The following PIWIL1 variants were observed in gnomAD, a reference collection of about 807,000 sequenced individuals.
PIWIL1 encodes piwi like RNA-mediated gene silencing 1.
PIWIL1 carries 73 observed loss-of-function variants against 114.4 expected under a neutral mutation model. The observed-to-expected ratio is 0.64, with a 90% CI of 0.53 to 0.78. PIWIL1 has a LOEUF of 0.78. Ranked by LOEUF, PIWIL1 falls within the 30% of genes least tolerant of loss-of-function variation. PIWIL1 has a pLI of 0.00. For missense variants in PIWIL1, 723 were observed against 1,063.1 expected, an observed-to-expected ratio of 0.68 and a Z score of 4.45; for synonymous variants, 375 against 369.0, an observed-to-expected ratio of 1.02 and a Z score of -0.19.
At chr12:130,411,587 C>A in the PIWIL1 span, among the ~76,000 whole-genome samples, 1 of 152,168 alleles carries the variant, frequency 6.6e-6, no homozygotes, top group Non-Finnish European at 1.5e-5. Context: ...AATCAAGTTA[C>A]CGTTCCTTAA....
At chr12:130,423,000 G>A in the PIWIL1 span, among the ~76,000 whole-genome samples, 14 of 152,246 alleles carry the variant, frequency 9.2e-5, no homozygotes, top group East Asian at 1.9e-4. This position sits in a 1 kb window ranked among gnomAD's most constrained non-coding sequence, Gnocchi z 5.2. Flanking sequence ...GATAAAAGTC[G>A]TATGTGAGGT....
At chr12:130,418,387 T>C in the PIWIL1 span, among the ~76,000 whole-genome samples, 21,870 of 152,216 alleles carry the variant, frequency 0.14, 1,825 homozygotes, top group Non-Finnish European at 0.2. Context: ...AAGCGCTCCA[T>C]GGCCTCTACA....
In PIWIL1 at chr12:130,362,909, T is replaced by C. The variant is rs181922596; in HGVS notation, c.2041+73T>C. Reference sequence around the variant, plus strand: ...CCAGAAATTACCCTGAACTGTGTTATTGATGGGCCCAGACTTTGGGAAGAA... The same window carrying C: ...CCAGAAATTACCCTGAACTGTGTTACTGATGGGCCCAGACTTTGGGAAGAA... On this transcript the variant is annotated intron_variant, in intron 17 of 20. Transcript: ENST00000245255. The C allele has an allele frequency of 2.5e-6, 4 of 1,610,890 alleles. No homozygotes were observed. In the African/African-American group the frequency reaches 4.0e-5, roughly 16 times the overall value.
At chr12:130,396,468 G>A in the PIWIL1 span, 2 of 152,630 alleles carry the variant, frequency 1.3e-5, no homozygotes, top group African/African-American at 4.8e-5. Context: ...AAATGCCAAT[G>A]ATGAAGATGG....
intron 20 of PIWIL1, 58 bp from the exon 21 acceptor site, chr12:130,371,424 T>A: frequency 6.2e-7 from 1 of 1,608,604 alleles, no homozygotes; most frequent in Non-Finnish European, 8.5e-7. Context: ...ATACTGAGAT[T>A]TGCAATTGAA....
At chr12:130,357,280 A>G (rs533518713) in intron 13 of PIWIL1, among the ~76,000 whole-genome samples, 175 bp downstream of exon 13, 1 of 152,282 alleles carries the variant, frequency 6.6e-6, no homozygotes, top group South Asian at 2.1e-4. Context: ...AGAAGCAACC[A>G]AGTAAGACAG....
chr12:130,353,926 CAAAA>C (rs772465904), intron 9 of PIWIL1, among the ~76,000 whole-genome samples: 1 of 99,016 alleles, frequency 1.0e-5, no homozygotes, highest in Non-Finnish European at 2.1e-5. Context: ...ACTCCATCTT[CAAAA>C]AAAAAAAAAA....
chr12:130,348,990 A>C (rs946462671), intron 7 of PIWIL1, among the ~76,000 whole-genome samples: 5 of 152,250 alleles, frequency 3.3e-5, no homozygotes, highest in African/African-American at 1.2e-4. Flanking sequence ...ACTTTTTAAA[A>C]GTCTTAGGCC....
At chr12:130,399,828 G>A in the PIWIL1 span, 29 of 1,613,580 alleles carry the variant, frequency 1.8e-5, no homozygotes, top group African/African-American at 2.7e-5. Flanking sequence ...AACACCAGGG[G>A]TGAGGCAGAA....
Position 130,352,043 on chromosome 12 carries a change from C to T in PIWIL1, c.1044+2076C>T, listed in dbSNP as rs2073227238. ...GTTGTGTCCCCTCTGTTGGACACACCTTGTATGCTTATGCTTGAGATCTCA... is the reference window on the plus strand; with the variant it reads ...GTTGTGTCCCCTCTGTTGGACACACTTTGTATGCTTATGCTTGAGATCTCA... On this transcript the variant is annotated intron_variant, in intron 9 of 20. Transcript: ENST00000245255. 2.0e-5 allele frequency among the ~76,000 whole-genome samples: 3 copies of T among 152,198 alleles called. No homozygotes were observed. In the South Asian group the frequency reaches 6.2e-4, roughly 32 times the overall value.
the PIWIL1 span, among the ~76,000 whole-genome samples, chr12:130,382,708 A>G: frequency 2.6e-5 from 4 of 152,156 alleles, no homozygotes; most frequent in African/African-American, 7.2e-5. Context: ...ATGAGCTTCA[A>G]TGTCTTCCTC....
the PIWIL1 span, among the ~76,000 whole-genome samples, chr12:130,391,726 G>T: frequency 6.6e-6 from 1 of 152,148 alleles, no homozygotes; most frequent in Non-Finnish European, 1.5e-5. Flanking sequence ...AGCAGAGAGG[G>T]TCTGAGTGTC....
At chr12:130,419,241 C>G in the PIWIL1 span, among the ~76,000 whole-genome samples, 1 of 152,144 alleles carries the variant, frequency 6.6e-6, no homozygotes, top group Non-Finnish European at 1.5e-5. This position sits in a 1 kb window ranked among gnomAD's most constrained non-coding sequence, Gnocchi z 4.3. Flanking sequence ...CTACAGCTGT[C>G]TGTCTGACCC....
At chr12:130,371,067 T>C in intron 19 of PIWIL1, 109 bp from the exon 20 acceptor site, 1 of 882,840 alleles carries the variant, frequency 1.1e-6, no homozygotes, top group Admixed American at 1.9e-5. Context: ...AGAGATGAGG[T>C]TACTGTAGTA....
At chr12:130,339,907 C>T (rs1274872060) in intron 1 of PIWIL1, among the ~76,000 whole-genome samples, 1 of 152,206 alleles carries the variant, frequency 6.6e-6, no homozygotes, top group Non-Finnish European at 1.5e-5. Flanking sequence ...GGAATATTTC[C>T]TGCTGGAGAT....
intron 1 of PIWIL1, chr12:130,342,155 CGTGTGTGT>C (rs56124149): frequency 2.5e-3 from 336 of 134,960 alleles, no homozygotes; most frequent in African/African-American, 3.9e-3. Context: ...TGCCTGTTTC[CGTGTGTGT>C]GTGTGTGTGT....
chr12:130,396,134 T>G, the PIWIL1 span: 1 of 152,672 alleles, frequency 6.5e-6, no homozygotes, highest in African/African-American at 2.4e-5. Context: ...TAAACAGTGT[T>G]GTATAAAATA....
chr12:130,374,760 A>G (rs900700417), downstream of PIWIL1, among the ~76,000 whole-genome samples: 1 of 152,126 alleles, frequency 6.6e-6, no homozygotes, highest in Non-Finnish European at 1.5e-5. Flanking sequence ...GCTCCAGGTG[A>G]TCCCTCGTAT....
chr12:130,397,425 T>A, the PIWIL1 span: 1 of 398,978 alleles, frequency 2.5e-6, no homozygotes, highest in African/African-American at 2.1e-5. Context: ...CTTTTTCTTT[T>A]TCGAGGACAT....
Sources: allele counts gnomAD v4.1 joint callset (sites outside exome capture counted in the v4.1 genomes callset), GRCh38; gene constraint gnomAD v4.1.1; non-coding constraint Gnocchi (gnomAD v3.1); transcripts MANE v1.5; gene names NCBI Gene and HGNC (gene_info 2026-07-23, HGNC 2026-07-21).